Variants in WDR49 observed in about 807,000 individuals in gnomAD.
WDR49 encodes cilia- and flagella-associated protein 337.
Under a neutral mutation model 119.5 loss-of-function variants are expected in WDR49, and 107 were observed. The observed-to-expected ratio is 0.90, with a 90% CI of 0.77 to 1.05. WDR49 has a LOEUF of 1.05. WDR49 is among the 50% of genes least tolerant of loss of function. The probability of loss-of-function intolerance (pLI) is 0.00; values close to 1 mark genes in which losing one functional copy is unlikely to be tolerated. For synonymous variants in WDR49, 425 were observed against 418.8 expected, an observed-to-expected ratio of 1.01 and a Z score of -0.18; for missense variants, 1,240 against 1,220.5, an observed-to-expected ratio of 1.02 and a Z score of -0.24.
At chr3:167,638,985 T>C (rs374244491) in intron 2 of WDR49, among the ~76,000 whole-genome samples, 2 of 151,648 alleles carry the variant, frequency 1.3e-5, no homozygotes, top group African/African-American at 4.8e-5. Context: ...ATAAAGATGA[T>C]CATCACCCCT....
At chr3:167,526,758 A>G (rs1752647265) in intron 15 of WDR49, among the ~76,000 whole-genome samples, 2 of 152,124 alleles carry the variant, frequency 1.3e-5, no homozygotes, top group Admixed American at 6.6e-5. Flanking sequence ...AATTCTTTCC[A>G]CACAGGTTGG....
intron 2 of WDR49, among the ~76,000 whole-genome samples, chr3:167,643,657 T>C (rs1411270829): frequency 6.6e-6 from 1 of 152,084 alleles, no homozygotes; most frequent in Non-Finnish European, 1.5e-5. Context: ...AGGATGCCTT[T>C]GTTCCTAGGG....
intron 16 of WDR49, among the ~76,000 whole-genome samples, chr3:167,518,970 A>T (rs1425526474): frequency 6.6e-6 from 1 of 151,632 alleles, no homozygotes; most frequent in Non-Finnish European, 1.5e-5. Context: ...GCAAAGACAT[A>T]AACTGACACT....
In WDR49 at chr3:167,516,768, A is replaced by AG. The variant is rs1164700330; in HGVS notation, c.2774+5546dup. On this transcript the variant is annotated intron_variant, in intron 16 of 18. Coordinates refer to ENST00000682715, the MANE Select transcript of WDR49 (RefSeq NM_001366157.1). ...GCACAGCAAAAGAAACTACCATCAG[A>AG]GTGAACAGGCAACCTACAGAATGGG... Among the ~76,000 whole-genome samples the AG allele has an allele frequency of 7.9e-5, 12 of 152,284 alleles. 1 individual carries two copies. The highest frequency in any genetic ancestry group is 3.9e-4 in the Admixed American group (6 of 15,284).
At chr3:167,547,779 A>G (rs1712301934) in intron 10 of WDR49, among the ~76,000 whole-genome samples, 1 of 151,940 alleles carries the variant, frequency 6.6e-6, no homozygotes, top group Non-Finnish European at 1.5e-5. Context: ...AAAACAGAAT[A>G]ATATTAACAG....
intron 17 of WDR49, among the ~76,000 whole-genome samples, chr3:167,504,334 C>T (rs1386100487): frequency 6.6e-6 from 1 of 152,194 alleles, no homozygotes. Context: ...CTTGGCAGCC[C>T]ACCCCTGGTG....
chr3:167,573,751 T>A (rs1331414120), intron 8 of WDR49, among the ~76,000 whole-genome samples: 1 of 152,216 alleles, frequency 6.6e-6, no homozygotes, highest in Non-Finnish European at 1.5e-5. Flanking sequence ...CTATGCTTTA[T>A]GTTTCCAAGA....
chr3:167,609,170 C>G (rs1288526461), intron 5 of WDR49, among the ~76,000 whole-genome samples: 1 of 151,244 alleles, frequency 6.6e-6, no homozygotes, highest in Non-Finnish European at 1.5e-5. Flanking sequence ...TCCCCTCTAC[C>G]CCTGCAAGGA....
chr3:167,504,297 A>T (rs1351122016), intron 17 of WDR49, among the ~76,000 whole-genome samples: 2 of 152,214 alleles, frequency 1.3e-5, no homozygotes, highest in Admixed American at 1.3e-4. Context: ...TACCCTGCAG[A>T]GACACAGGGG....
intron 8 of WDR49, among the ~76,000 whole-genome samples, chr3:167,562,216 C>A (rs1713308518): frequency 6.6e-6 from 1 of 151,926 alleles, no homozygotes; most frequent in South Asian, 2.1e-4. Context: ...TGTTTTTTGT[C>A]AGTTGGCTTG....
rs1412109638 is a variant in WDR49 at position 167,496,463 on chromosome 3, A to G, written c.3031+3690T>C. ...CTCTACCAGAGTATCATCCCCCGCT[A>G]TTTTTTTTTTTTAACCTGGCTCATA... is the stretch of plus-strand genomic sequence containing the variant. On this transcript the variant is annotated intron_variant, in intron 18 of 18. Transcript: ENST00000682715. 4.2e-5 allele frequency among the ~76,000 whole-genome samples: 6 copies of G among 142,888 alleles called. No individual in the cohort carries two copies. The South Asian group carries it at 6.7e-4, about 16-fold the overall frequency. The allele number at this position is 142,888 out of a possible 152,430, so 93.7% of individuals were successfully genotyped here.
At chr3:167,587,201 A>G (rs1340229394) in intron 7 of WDR49, among the ~76,000 whole-genome samples, 1 of 152,196 alleles carries the variant, frequency 6.6e-6, no homozygotes, top group African/African-American at 2.4e-5. Flanking sequence ...GTCAGAATCT[A>G]ATGAAAAATA....
At chr3:167,602,578 G>A (rs533030265) in intron 6 of WDR49, among the ~76,000 whole-genome samples, 1 of 151,874 alleles carries the variant, frequency 6.6e-6, no homozygotes, top group Non-Finnish European at 1.5e-5. Flanking sequence ...AACCAGGAGG[G>A]GACAGAATCC....
At chr3:167,492,873 C>G (rs1374974701) in intron 18 of WDR49, among the ~76,000 whole-genome samples, 2 of 123,456 alleles carry the variant, frequency 1.6e-5, no homozygotes. Flanking sequence ...GGGTATAAAA[C>G]TGTAATTTTG....
intron 7 of WDR49, among the ~76,000 whole-genome samples, chr3:167,584,006 T>A (rs1269408368): frequency 3.9e-5 from 6 of 152,084 alleles, no homozygotes. Flanking sequence ...GATATTCTCA[T>A]TACAAGCAAG....
At chr3:167,557,720 T>A (rs932282523) in intron 9 of WDR49, among the ~76,000 whole-genome samples, 10 of 144,458 alleles carry the variant, frequency 6.9e-5, no homozygotes, top group Non-Finnish European at 6.0e-5. Flanking sequence ...GCCACTGCAC[T>A]GCAGCCTGGG....
chr3:167,589,864 G>A (rs1399307533), intron 7 of WDR49, among the ~76,000 whole-genome samples: 1 of 152,006 alleles, frequency 6.6e-6, no homozygotes, highest in South Asian at 2.1e-4. Context: ...CTGCAAATAA[G>A]GATAATGTGC....
At chr3:167,562,846 C>T (rs545574924) in intron 8 of WDR49, among the ~76,000 whole-genome samples, 92 of 152,286 alleles carry the variant, frequency 6.0e-4, no homozygotes, top group African/African-American at 2.1e-3. Context: ...TACTTCAAAC[C>T]ATTGTTACGA....
At chr3:167,636,560 A>C (rs904479561) in intron 2 of WDR49, among the ~76,000 whole-genome samples, 1 of 151,760 alleles carries the variant, frequency 6.6e-6, no homozygotes, top group African/African-American at 2.4e-5. Context: ...TTCTTTAAAG[A>C]ATCTCCACAC....
Sources: allele counts gnomAD v4.1 joint callset (sites outside exome capture counted in the v4.1 genomes callset), GRCh38; gene constraint gnomAD v4.1.1; transcripts MANE v1.5; gene names NCBI Gene and HGNC (gene_info 2026-07-23, HGNC 2026-07-21).